Variants in DENND1B observed in about 807,000 individuals in gnomAD.
The protein encoded by DENND1B is DENN domain containing 1B, also known as DENN domain-containing protein 1B.
In DENND1B, 59 loss-of-function variants were observed where a neutral mutation model predicts 90.1. That is an observed-to-expected ratio of 0.65 (90% CI 0.53 to 0.81). The LOEUF (loss-of-function observed/expected upper bound fraction) is 0.81, where lower values mean the gene tolerates loss of function less well. Among genes scored for constraint, DENND1B ranks in the 40% least tolerant of loss-of-function variants. The probability of loss-of-function intolerance (pLI) is 0.00; values close to 1 mark genes in which losing one functional copy is unlikely to be tolerated. For missense variants in DENND1B, 862 were observed against 912.6 expected (o/e 0.94, Z 0.71); for synonymous variants, 337 against 324.6 (o/e 1.04, Z -0.41).
At chr1:197,775,502 G>A (rs917444669), upstream of DENND1B, 7 of 194,014 alleles carry the variant, frequency 3.6e-5, no homozygotes, top group Middle Eastern at 1.9e-3. Flanking sequence ...TCGCCGGGAG[G>A]GGGAAGGGGC....
In DENND1B at chr1:197,672,167, G is replaced by A; in HGVS notation, c.177-11C>T. On this transcript the variant is annotated splice_polypyrimidine_tract_variant and intron_variant, in intron 4 of 22. Coordinates refer to ENST00000620048, the MANE Select transcript of DENND1B (RefSeq NM_001195215.2). ...TGATTCTGAGACACCCTAAAATATA[G>A]TAACATTAGGAAACATTGTGCCTTG... The A allele has an allele frequency of 6.3e-7, 1 of 1,597,406 alleles. No homozygotes were observed. The highest frequency in any genetic ancestry group is 1.3e-5 in the African/African-American group (1 of 74,096).
At chr1:197,626,574 G>T (rs996074082) in intron 10 of DENND1B, among the ~76,000 whole-genome samples, 106 of 152,140 alleles carry the variant, frequency 7.0e-4, no homozygotes, top group Admixed American at 1.8e-3. Flanking sequence ...AGAGAAAGCA[G>T]GAAAGATCCA....
chr1:197,756,271 C>A (rs1654272598), intron 2 of DENND1B, among the ~76,000 whole-genome samples: 1 of 152,114 alleles, frequency 6.6e-6, no homozygotes. Flanking sequence ...GTTTTTCCAA[C>A]AATTAGAATA....
intron 10 of DENND1B, among the ~76,000 whole-genome samples, chr1:197,627,766 A>T (rs984045678): frequency 4.6e-5 from 7 of 152,280 alleles, no homozygotes; most frequent in African/African-American, 1.7e-4. Flanking sequence ...ACATTATTGT[A>T]TATATAGAAA....
intron 16 of DENND1B, among the ~76,000 whole-genome samples, chr1:197,550,031 G>T (rs547713866): frequency 6.6e-6 from 1 of 152,148 alleles, no homozygotes. Flanking sequence ...AACAAAAATA[G>T]TGTATAAACT....
intron 10 of DENND1B, among the ~76,000 whole-genome samples, chr1:197,627,896 G>C (rs1465068806): frequency 6.6e-6 from 1 of 152,090 alleles, no homozygotes; most frequent in Non-Finnish European, 1.5e-5. Context: ...CAGACAGACA[G>C]CGAAATCATG....
intron 2 of DENND1B, among the ~76,000 whole-genome samples, chr1:197,757,116 CCTT>C (rs1406498577): frequency 4.0e-5 from 6 of 151,850 alleles, no homozygotes; most frequent in African/African-American, 1.5e-4. Flanking sequence ...TTAAAAATAA[CCTT>C]CTATTTAAAA....
chr1:197,680,037 C>G (rs1259138973), intron 3 of DENND1B, among the ~76,000 whole-genome samples: 1 of 151,936 alleles, frequency 6.6e-6, no homozygotes, highest in Non-Finnish European at 1.5e-5. Context: ...ATAGTCCCAG[C>G]TGCTCAAGAT....
At chr1:197,625,686 G>A (rs1678627330) in intron 10 of DENND1B, among the ~76,000 whole-genome samples, 1 of 152,022 alleles carries the variant, frequency 6.6e-6, no homozygotes, top group South Asian at 2.1e-4. Flanking sequence ...AATGTAAATG[G>A]ACTAAATGCT....
intron 3 of DENND1B, among the ~76,000 whole-genome samples, chr1:197,676,406 GTTT>G (rs1656080959): frequency 6.6e-6 from 1 of 151,938 alleles, no homozygotes; most frequent in East Asian, 1.9e-4. Flanking sequence ...ACTACACAGT[GTTT>G]TTAATATGAC....
At chr1:197,550,971 C>T (rs1056842606) in intron 16 of DENND1B, among the ~76,000 whole-genome samples, 1 of 151,738 alleles carries the variant, frequency 6.6e-6, no homozygotes, top group East Asian at 1.9e-4. Context: ...GATCAGTTTA[C>T]TTCTTTGAAG....
intron 13 of DENND1B, among the ~76,000 whole-genome samples, chr1:197,601,839 G>C (rs1676239912): frequency 6.6e-6 from 1 of 151,556 alleles, no homozygotes; most frequent in Non-Finnish European, 1.5e-5. Flanking sequence ...TTTTGCTTTT[G>C]TTTTCTTTGT....
chr1:197,542,485 C>T (rs533838298), intron 18 of DENND1B, among the ~76,000 whole-genome samples: 1 of 152,040 alleles, frequency 6.6e-6, no homozygotes, highest in Non-Finnish European at 1.5e-5. Context: ...TCTTACTGTA[C>T]CTTCATGTTC....
rs375733786 is a variant in DENND1B at position 197,556,279 on chromosome 1, T to C, written c.1150-3167A>G. Among the ~76,000 whole-genome samples the C allele has an allele frequency of 3.9e-5, 6 of 152,016 alleles. No individual in the cohort carries two copies. In the East Asian group the frequency reaches 9.7e-4, roughly 25 times the overall value. On this transcript the variant is annotated intron_variant, in intron 15 of 22. Coordinates refer to ENST00000620048, the MANE Select transcript of DENND1B (RefSeq NM_001195215.2). ...TATGTTCATTATCTGGGATATGAGATTATTAGAAGCCCAAACCTCAGCATC... is the reference window on the plus strand; with the variant it reads ...TATGTTCATTATCTGGGATATGAGACTATTAGAAGCCCAAACCTCAGCATC...
chr1:197,519,027 G>A (rs1244533538), intron 20 of DENND1B, among the ~76,000 whole-genome samples: 2 of 151,810 alleles, frequency 1.3e-5, no homozygotes, highest in Non-Finnish European at 2.9e-5. Flanking sequence ...AAAGACTGAC[G>A]GTAATGCAAA....
chr1:197,552,791 C>T (rs892839293), intron 16 of DENND1B: 6 of 1,301,456 alleles, frequency 4.6e-6, no homozygotes, highest in Non-Finnish European at 5.8e-6. Flanking sequence ...AAGAGATTAT[C>T]GAGGCCAACA....
At chr1:197,610,714 T>A (rs1242481550) in intron 12 of DENND1B, among the ~76,000 whole-genome samples, 2 of 150,874 alleles carry the variant, frequency 1.3e-5, no homozygotes, top group Non-Finnish European at 3.0e-5. Flanking sequence ...TACCTACTCA[T>A]TCATATTTTA....
intron 2 of DENND1B, among the ~76,000 whole-genome samples, chr1:197,751,288 C>T (rs1214794496): frequency 6.6e-6 from 1 of 152,094 alleles, no homozygotes; most frequent in Non-Finnish European, 1.5e-5. Context: ...CACAAAGAAT[C>T]TCAAATATCT....
At chr1:197,781,377 A>G in the DENND1B span, among the ~76,000 whole-genome samples, 2 of 152,220 alleles carry the variant, frequency 1.3e-5, no homozygotes, top group Non-Finnish European at 2.9e-5. Flanking sequence ...TAATAGTATT[A>G]CCACCTTCAT....
Sources: allele counts gnomAD v4.1 joint callset (sites outside exome capture counted in the v4.1 genomes callset), GRCh38; gene constraint gnomAD v4.1.1; transcripts MANE v1.5; gene names NCBI Gene and HGNC (gene_info 2026-07-23, HGNC 2026-07-21).